The following IQCN variants were observed in gnomAD, a reference collection of about 807,000 sequenced individuals.
IQCN encodes IQ domain-containing protein N.
A neutral mutation model predicts 64.4 loss-of-function variants in IQCN; 46 were observed. The observed-to-expected ratio is 0.71, with a 90% CI of 0.56 to 0.91. The LOEUF (loss-of-function observed/expected upper bound fraction) is 0.91, where lower values mean the gene tolerates loss of function less well. Among genes scored for constraint, IQCN ranks in the 40% least tolerant of loss-of-function variants. The pLI is 0.00. For synonymous variants in IQCN, 733 were observed against 775.6 expected, an observed-to-expected ratio of 0.95 and a Z score of 0.91; for missense variants, 1,753 against 1,857.4, an observed-to-expected ratio of 0.94 and a Z score of 1.03.
chr19:18,266,485 T>C lies in IQCN; in HGVS notation c.1055A>G (p.Gln352Arg). ...TYPVVSVTLP[Q>R]TYPASTMTTT... ...GGTCATCGTGGACGCTGGATATGTC[T>C]GTGGCAGGGTCACGGAGACCACTGG... Residue 352 changes from glutamine to arginine, a missense_variant, in exon 3 of 4, where the codon CAG becomes CGG. Gln to Arg is a conservative substitution (Grantham distance 43). Transcript: ENST00000392413. The surrounding 1 kb of genome is among the most constrained non-coding windows in gnomAD (Gnocchi z 4.3). The C allele has an allele frequency of 1.3e-6, 2 of 1,594,888 alleles. No individual in the cohort carries two copies. The highest frequency in any genetic ancestry group is 1.7e-6 in the Non-Finnish European group (2 of 1,169,936).
At chr19:18,259,145 C>T (rs1189914294) in intron 3 of IQCN, 3 of 152,718 alleles carry the variant, frequency 2.0e-5, no homozygotes, top group Non-Finnish European at 4.4e-5. Context: ...CGTGGGCACT[C>T]GGTGTAGACT....
In IQCN at chr19:18,265,801, A is replaced by T. The variant is rs749349217; in HGVS notation, c.1739T>A (p.Ile580Asn). The T allele has an allele frequency of 4.3e-6, 7 of 1,614,028 alleles. No individual in the cohort carries two copies. The highest frequency in any genetic ancestry group is 5.1e-6 in the Non-Finnish European group (6 of 1,179,994). ...SSPSYLAEGK[I>N]RCLAQPHPGT... ...CGGATGTGGTTGAGCCAGGCACCTG[A>T]TCTTCCCCTCAGCCAAATAGGAGGG... The change falls in exon 3 of 4, where the codon ATC (isoleucine) becomes AAC (asparagine). Residue 580 changes from isoleucine to asparagine, a missense_variant. Physicochemically the swap from Ile to Asn is moderately radical, Grantham distance 149. Coordinates refer to ENST00000392413, the MANE Select transcript of IQCN (RefSeq NM_001145304.2). The surrounding 1 kb of genome is among the most constrained non-coding windows in gnomAD (Gnocchi z 4.7).
chr19:18,268,687 G>C (rs545286843), intron 2 of IQCN, among the ~76,000 whole-genome samples: 70 of 152,112 alleles, frequency 4.6e-4, no homozygotes, highest in African/African-American at 1.6e-3. Context: ...AAGTAGGCCA[G>C]GCACAGTGGC....
chr19:18,258,346 TGGG>T (rs1160620938), intron 3 of IQCN: 2 of 694,518 alleles, frequency 2.9e-6, no homozygotes, highest in East Asian at 5.5e-5. Flanking sequence ...GGCCTGTGGG[TGGG>T]GTTTGCACCA....
Position 18,257,381 on chromosome 19 carries a change from G to T in IQCN, c.3903C>A (p.Asp1301Glu). Reference protein sequence around the residue: ...ALSPRQPHRQDKAATAIQSAW... With the variant: ...ALSPRQPHRQEKAATAIQSAW... Reference sequence around the variant, plus strand: ...CGGACTGGATGGCTGTGGCCGCTTTGTCCTGGCGATGCGGCTGCCTGGGAC... The same window carrying T: ...CGGACTGGATGGCTGTGGCCGCTTTTTCCTGGCGATGCGGCTGCCTGGGAC... The change falls in exon 4 of 4, where the codon GAC (aspartate) becomes GAA (glutamate). Residue 1301 changes from aspartate (D) to glutamate (E), a missense_variant. Coordinates refer to ENST00000392413, the MANE Select transcript of IQCN (RefSeq NM_001145304.2). 1.2e-6 allele frequency: 2 copies of T among 1,611,692 alleles called. No homozygotes were observed. Among genetic ancestry groups the T allele is most frequent in the South Asian group, 1.1e-5 (1 of 91,018 alleles).
In IQCN at chr19:18,264,854, T is replaced by G; in HGVS notation, c.2686A>C (p.Thr896Pro). The G allele has an allele frequency of 1.2e-6, 2 of 1,600,288 alleles. No individual in the cohort carries two copies. The highest frequency in any genetic ancestry group is 1.7e-6 in the Non-Finnish European group (2 of 1,173,920). ...TGGGAGAGGGCTTTGGCCAACAGAG[T>G]GCGGAGATCCTCCTGGGATGCCAGC... ...GVLASQEDLR[T>P]LLAKALSQGE... The change falls in exon 3 of 4, where the codon ACT becomes CCT. Residue 896 changes from threonine (T) to proline (P), a missense_variant. Physicochemically the swap from Thr to Pro is conservative, Grantham distance 38 (BLOSUM62 -1). Coordinates refer to ENST00000392413, the MANE Select transcript of IQCN (RefSeq NM_001145304.2). The surrounding 1 kb of genome is among the most constrained non-coding windows in gnomAD (Gnocchi z 4.3).
At chr19:18,271,935 G>T (rs1013774863) in intron 1 of IQCN, among the ~76,000 whole-genome samples, 1 of 151,958 alleles carries the variant, frequency 6.6e-6, no homozygotes, top group Middle Eastern at 3.4e-3. Flanking sequence ...TCAGCCTCCC[G>T]AGTAGCTGGG....
rs370950394 is a variant in IQCN, at chr19:18,265,790, C to T, written c.1750G>A (p.Ala584Thr). 2 of 1,614,142 alleles carry T rather than the reference C, an allele frequency of 1.2e-6. No homozygotes were observed. The highest frequency in any genetic ancestry group is 1.7e-6 in the Non-Finnish European group (2 of 1,180,016). ...ACCCCAGTTCCCGGATGTGGTTGAG[C>T]CAGGCACCTGATCTTCCCCTCAGCC... ...YLAEGKIRCL[A>T]QPHPGTGVPR... Residue 584 changes from alanine (A) to threonine (T), a missense_variant, in exon 3 of 4, where the codon GCT becomes ACT. Transcript: ENST00000392413. The surrounding 1 kb of genome is among the most constrained non-coding windows in gnomAD (Gnocchi z 4.7).
In IQCN at chr19:18,265,867, A is replaced by G; in HGVS notation, c.1673T>C (p.Val558Ala). ...HENPPKAKAT[V>A]NVKQAAKVVK... ...CACCTTTGCAGCCTGCTTCACATTCACGGTGGCCTTGGCCTTGGGTGGGTT... is the reference window on the plus strand; with the variant it reads ...CACCTTTGCAGCCTGCTTCACATTCGCGGTGGCCTTGGCCTTGGGTGGGTT... Residue 558 changes from valine to alanine, a missense_variant, in exon 3 of 4, where the codon GTG (valine) becomes GCG (alanine). Val to Ala is a moderately conservative substitution (Grantham distance 64). Transcript: ENST00000392413. The surrounding 1 kb of genome is among the most constrained non-coding windows in gnomAD (Gnocchi z 4.7). The G allele has an allele frequency of 6.2e-7, 1 of 1,614,028 alleles. No homozygotes were observed. The highest frequency in any genetic ancestry group is 1.1e-5 in the South Asian group (1 of 91,070).
At chr19:18,268,123 T>C (rs374755749) in intron 2 of IQCN, among the ~76,000 whole-genome samples, 210 of 151,840 alleles carry the variant, frequency 1.4e-3, no homozygotes, top group Non-Finnish European at 2.4e-3. Context: ...ATCTTGGATG[T>C]ACCCTGGGTT....
Position 18,264,265 on chromosome 19 carries a change from C to CCCA in IQCN, c.3177+95_3177+97dup, listed in dbSNP as rs1014983266. 1.9e-6 allele frequency: 2 copies of CCCA among 1,067,462 alleles called. No homozygotes were observed. The highest frequency in any genetic ancestry group is 5.8e-5 in the Admixed American group (2 of 34,460). 66.1% of individuals were successfully genotyped at this position (1,067,462 alleles called of 1,614,324 possible). ...GTGACCACAGATAAGCAGGGTGACC[C>CCCA]CCACAAGATGGCCCCATCAATCCCC... is the stretch of plus-strand genomic sequence containing the variant. On this transcript the variant is annotated intron_variant, in intron 3 of 3. Coordinates refer to ENST00000392413, the MANE Select transcript of IQCN (RefSeq NM_001145304.2). The surrounding 1 kb of genome is among the most constrained non-coding windows in gnomAD (Gnocchi z 4.3).
At chr19:18,272,030 T>G (rs1274844224) in intron 1 of IQCN, among the ~76,000 whole-genome samples, 2 of 152,154 alleles carry the variant, frequency 1.3e-5, no homozygotes, top group Non-Finnish European at 2.9e-5. Context: ...TTTCACCATG[T>G]TGGCCAGGCT....
At chr19:18,272,535 C>T (rs898474079) in intron 1 of IQCN, among the ~76,000 whole-genome samples, 1 of 152,186 alleles carries the variant, frequency 6.6e-6, no homozygotes, top group African/African-American at 2.4e-5. Context: ...CTCGGGCAGG[C>T]TTCACCTGGT....
At chr19:18,269,392 C>A (rs1386986856) in intron 2 of IQCN, 74 bp downstream of exon 2, 7 of 1,486,694 alleles carry the variant, frequency 4.7e-6, no homozygotes, top group East Asian at 4.5e-5. Flanking sequence ...TGGAGCACAG[C>A]ACACTTGTTT....
chr19:18,258,259 C>G, intron 3 of IQCN, 153 bp from the exon 4 acceptor site: 2 of 817,294 alleles, frequency 2.4e-6, no homozygotes, highest in Non-Finnish European at 4.1e-6. Context: ...ACCCTCCGAA[C>G]TCCCGGGGCC....
At chr19:18,262,488 A>C (rs1969452242) in intron 3 of IQCN, 1 of 152,554 alleles carries the variant, frequency 6.6e-6, no homozygotes, top group African/African-American at 2.4e-5. Context: ...CCCACTGTCC[A>C]TAGATGGCTG....
In IQCN at chr19:18,265,553, CCAG is replaced by C. The variant is rs1341139841; in HGVS notation, c.1984_1986del (p.Leu662del). The C allele has an allele frequency of 1.9e-6, 3 of 1,611,376 alleles. No individual in the cohort carries two copies. Among genetic ancestry groups the C allele is most frequent in the Non-Finnish European group, 2.5e-6 (3 of 1,178,234 alleles). The stretch of plus-strand genomic sequence containing the variant: ...GATGAGGCATTGGTCAGTGGGGCAG[CCAG>C]CTGTCCCCGGGGCAGGGTGACAGCC... On this transcript the variant is annotated inframe_deletion, in exon 3 of 4. Coordinates refer to ENST00000392413, the MANE Select transcript of IQCN (RefSeq NM_001145304.2). This position sits in a 1 kb window ranked among gnomAD's most constrained non-coding sequence, Gnocchi z 4.7.
rs1969336066 is a variant in IQCN, at chr19:18,257,809, G to C, written c.3475C>G (p.Leu1159Val). Residue 1159 changes from leucine to valine, a missense_variant, in exon 4 of 4, where the codon CTC becomes GTC. By Grantham distance (32) the Leu-to-Val change is conservative (BLOSUM62 1). Transcript: ENST00000392413. ...TGGATGGTCGTGGTGGCTCTGCAGA[G>C]GTGTGCCAGGTTCCGCCGCACACGG... Reference protein sequence around the residue: ...GYRVRRNLAHLCRATTTIQSA... With the variant: ...GYRVRRNLAHVCRATTTIQSA... 7 of 1,611,016 alleles carry C rather than the reference G, an allele frequency of 4.3e-6. No individual in the cohort carries two copies. The African/African-American group carries it at 6.7e-5, about 15-fold the overall frequency.
At chr19:18,259,268 G>C (rs1207050966) in intron 3 of IQCN, 1 of 152,254 alleles carries the variant, frequency 6.6e-6, no homozygotes, top group Non-Finnish European at 1.5e-5. Context: ...TTGAGGTAAG[G>C]AGGGGCAGTG....
Sources: allele counts gnomAD v4.1 joint callset (sites outside exome capture counted in the v4.1 genomes callset), GRCh38; gene constraint gnomAD v4.1.1; non-coding constraint Gnocchi (gnomAD v3.1); transcripts MANE v1.5; gene names NCBI Gene and HGNC (gene_info 2026-07-23, HGNC 2026-07-21).